The following MOCS1 variants were observed in gnomAD, a reference collection of about 807,000 sequenced individuals.
MOCS1 encodes the protein molybdenum cofactor synthesis 1.
MOCS1 carries 39 observed loss-of-function variants against 57.6 expected under a neutral mutation model. That is an observed-to-expected ratio of 0.68 (90% confidence interval 0.52 to 0.88). MOCS1 has a LOEUF of 0.88. Among genes scored for constraint, MOCS1 ranks in the 40% least tolerant of loss-of-function variants. MOCS1 has a pLI of 0.00. For synonymous variants in MOCS1, 334 were observed against 335.7 expected (o/e 1.00, Z 0.05); for missense variants, 795 against 831.1 (o/e 0.96, Z 0.53).
Position 39,927,332 on chromosome 6 carries a change from T to A in MOCS1, c.247A>T (p.Arg83Ter). The change falls in exon 2 of 11, where the codon AGA becomes TGA. Residue 83 changes from arginine to a stop codon, truncating the protein, a stop_gained. Coordinates refer to ENST00000340692, the MANE Select transcript of MOCS1 (RefSeq NM_001358530.2). LOFTEE classifies it high-confidence loss of function. ...RISLTEKCNL[R>*]CQYCMPEEGV... Reference sequence around the variant, plus strand: ...AGGGCCCAGGAAGGTGACTCACATCTGAGGTTGCACTTCTCTGTGAGGGAG... The same window carrying A: ...AGGGCCCAGGAAGGTGACTCACATCAGAGGTTGCACTTCTCTGTGAGGGAG... The A allele has an allele frequency of 6.2e-7, 1 of 1,610,776 alleles. No individual in the cohort carries two copies. The highest frequency in any genetic ancestry group is 8.5e-7 in the Non-Finnish European group (1 of 1,178,626).
At chr6:39,913,892 C>T (rs1767502976) in intron 4 of MOCS1, 57 bp from the exon 5 acceptor site, 2 of 1,545,542 alleles carry the variant, frequency 1.3e-6, no homozygotes, top group South Asian at 1.1e-5. Context: ...TTCCCCCACA[C>T]CCCCACAGAA....
chr6:39,925,930 C>G, intron 2 of MOCS1, 85 bp from the exon 3 acceptor site: 1 of 1,445,752 alleles, frequency 6.9e-7, no homozygotes, highest in Non-Finnish European at 9.4e-7. Context: ...AACTCTCCAT[C>G]AGGCCAAAGG....
Position 39,913,394 on chromosome 6 carries a change from T to C in MOCS1, c.680A>G (p.Asp227Gly). ...CAAGGCCGCAAAGTCCAGGAGTTCATCCTCGTTAAGGCCTCGCATCACCAC... is the reference window on the plus strand; with the variant it reads ...CAAGGCCGCAAAGTCCAGGAGTTCACCCTCGTTAAGGCCTCGCATCACCAC... ...NCVVMRGLNE[D>G]ELLDFAALTE... Residue 227 changes from aspartate (D) to glycine (G), a missense_variant, in exon 6 of 11, where the codon GAT becomes GGT. Asp to Gly is a moderately conservative substitution (Grantham distance 94, BLOSUM62 -1). Coordinates refer to ENST00000340692, the MANE Select transcript of MOCS1 (RefSeq NM_001358530.2). 1 of 1,614,242 alleles carries C rather than the reference T, an allele frequency of 6.2e-7. No homozygotes were observed. The highest frequency in any genetic ancestry group is 8.5e-7 in the Non-Finnish European group (1 of 1,180,028).
In MOCS1 at chr6:39,925,710, G is replaced by A. The variant is rs777815200; in HGVS notation, c.386C>T (p.Pro129Leu). 8.1e-6 allele frequency: 13 copies of A among 1,612,656 alleles called. No homozygotes were observed. The South Asian group carries it at 9.9e-5, about 12-fold the overall frequency. The change falls in exon 3 of 11, where the codon CCG (proline) becomes CTG (leucine). Residue 129 changes from proline (P) to leucine (L), a missense_variant. By Grantham distance (98) the Pro-to-Leu change is moderately conservative. Around this residue, in one of 3 missense-constraint regions of MOCS1, gnomAD observed 416 missense variants for 392.4 expected, o/e 1.06. Coordinates refer to ENST00000340692, the MANE Select transcript of MOCS1 (RefSeq NM_001358530.2). Reference sequence around the variant, plus strand: ...GTCCACCACGTCCGGCCGGATAAGCGGCTCTCCACCTGTGAGCCGGATCTT... The same window carrying A: ...GTCCACCACGTCCGGCCGGATAAGCAGCTCTCCACCTGTGAGCCGGATCTT... The part of the protein sequence containing the change: ...IDKIRLTGGE[P>L]LIRPDVVDIV...
intron 1 of MOCS1, among the ~76,000 whole-genome samples, chr6:39,930,398 C>T (rs938385610): frequency 1.6e-4 from 25 of 152,282 alleles, no homozygotes; most frequent in African/African-American, 4.3e-4. Flanking sequence ...GTTTCCTCTC[C>T]GTGAGAAGTC....
chr6:39,916,956 G>A (rs564950116), intron 3 of MOCS1, among the ~76,000 whole-genome samples: 1 of 152,312 alleles, frequency 6.6e-6, no homozygotes, highest in African/African-American at 2.4e-5. Context: ...CCTACTACAT[G>A]TCAGGGAGGT....
chr6:39,916,485 C>A (rs1767669491), intron 3 of MOCS1, among the ~76,000 whole-genome samples: 1 of 152,144 alleles, frequency 6.6e-6, no homozygotes. Context: ...CTCATTGAAG[C>A]CTCACAATAA....
chr6:39,914,414 C>A (rs908985406), intron 4 of MOCS1, among the ~76,000 whole-genome samples: 1 of 152,230 alleles, frequency 6.6e-6, no homozygotes, highest in Non-Finnish European at 1.5e-5. Context: ...CCTCAACAGT[C>A]CATCAATTAT....
In MOCS1 at chr6:39,913,765, C is replaced by A. The variant is rs73732319; in HGVS notation, c.645+9G>T. The A allele has an allele frequency of 6.2e-7, 1 of 1,613,938 alleles. No homozygotes were observed. The highest frequency in any genetic ancestry group is 1.1e-5 in the South Asian group (1 of 91,076). On this transcript the variant is annotated intron_variant, in intron 5 of 10. Transcript: ENST00000340692. ...AAGTCGGGAATCTACGGCAGGGGCACGGCCTCACCTTCACAGGGTTGTAGC... is the reference window on the plus strand; with the variant it reads ...AAGTCGGGAATCTACGGCAGGGGCAAGGCCTCACCTTCACAGGGTTGTAGC...
At chr6:39,926,157 T>C (rs776301891) in intron 2 of MOCS1, among the ~76,000 whole-genome samples, 5 of 152,176 alleles carry the variant, frequency 3.3e-5, no homozygotes, top group Non-Finnish European at 7.3e-5. Flanking sequence ...CTGGCCTGAC[T>C]TCCTGGGCTG....
At chr6:39,919,626 T>C (rs1310825582) in intron 3 of MOCS1, among the ~76,000 whole-genome samples, 1 of 152,074 alleles carries the variant, frequency 6.6e-6, no homozygotes, top group Non-Finnish European at 1.5e-5. Flanking sequence ...TACCAGATAA[T>C]TGACTGATGA....
Position 39,912,265 on chromosome 6 carries a change from T to G in MOCS1, c.980A>C (p.Lys327Thr), listed in dbSNP as rs774513593. ...CCCTGTGGAGGAGGGGATGCTCACC[T>G]TGAGGTTCCCATCAGCTGTGATTCG... is the stretch of plus-strand genomic sequence containing the variant. ...RLRITADGNL[K>T]VCLFGNSEVS... Residue 327 changes from lysine to threonine, a missense_variant and splice_region_variant, in exon 8 of 11, where the codon AAG (lysine) becomes ACG (threonine). Coordinates refer to ENST00000340692, the MANE Select transcript of MOCS1 (RefSeq NM_001358530.2). The G allele has an allele frequency of 6.2e-7, 1 of 1,609,868 alleles. No homozygotes were observed. Among genetic ancestry groups the G allele is most frequent in the Non-Finnish European group, 8.5e-7 (1 of 1,177,612 alleles).
At position 39,905,465 on chromosome 6, in the gene MOCS1, C is replaced by CA; in HGVS notation, c.*891_*892insT. 2.1e-6 allele frequency: 1 copy of CA among 471,100 alleles called. No homozygotes were observed. The highest frequency in any genetic ancestry group is 4.4e-6 in the Non-Finnish European group (1 of 227,050). 29.2% of individuals were successfully genotyped at this position (471,100 alleles called of 1,614,324 possible). ...TTGATTGATTGATAGGTGCAGCCTTCCCTGTGAAACTGCAGCAGCTCAGTG... is the reference window on the plus strand; with the variant it reads ...TTGATTGATTGATAGGTGCAGCCTTCACCTGTGAAACTGCAGCAGCTCAGTG... On this transcript the variant is annotated 3_prime_UTR_variant, in exon 11 of 11. Coordinates refer to ENST00000340692, the MANE Select transcript of MOCS1 (RefSeq NM_001358530.2).
At chr6:39,925,959 A>G in intron 2 of MOCS1, 114 bp from the exon 3 acceptor site, 4 of 1,176,154 alleles carry the variant, frequency 3.4e-6, no homozygotes, top group Non-Finnish European at 3.6e-6. Flanking sequence ...ACCCATCTGG[A>G]TGTGAGCGGA....
Position 39,909,936 on chromosome 6 carries a change from G to C in MOCS1, c.1001C>G (p.Ser334Cys). 1 of 1,613,644 alleles carries C rather than the reference G, an allele frequency of 6.2e-7. No homozygotes were observed. Among genetic ancestry groups the C allele is most frequent in the Non-Finnish European group, 8.5e-7 (1 of 1,180,006 alleles). The change falls in exon 9 of 11, where the codon TCT becomes TGT. Residue 334 changes from serine (S) to cysteine (C), a missense_variant. Transcript: ENST00000340692. ...CAGGTGATCCCGCAGGGATACCTCA[G>C]AGTTTCCAAAGAGGCAGACCTACAT... ...GNLKVCLFGN[S>C]EVSLRDHLRA...
At chr6:39,908,968 G>A (rs1486851357) in intron 10 of MOCS1, 87 bp downstream of exon 10, 4 of 1,081,208 alleles carry the variant, frequency 3.7e-6, no homozygotes, top group African/African-American at 3.1e-5. Flanking sequence ...TGAAATGCAG[G>A]AGCTGGGGGT....
rs374718863 is a variant in MOCS1 at position 39,926,442 on chromosome 6, C to T, written c.251-597G>A. Among the ~76,000 whole-genome samples, 207 of 136,784 alleles carry T rather than the reference C, an allele frequency of 1.5e-3. 1 individual carries two copies. Among genetic ancestry groups the T allele is most frequent in the Middle Eastern group, 0.014 (4 of 286 alleles). The allele number at this position is 136,784 out of a possible 152,430, so 89.7% of individuals were successfully genotyped here. A position where few individuals can be genotyped will look rare whatever the true frequency, so the allele number is the denominator to read the frequency against. On this transcript the variant is annotated intron_variant, in intron 2 of 10. Transcript: ENST00000340692. Reference sequence around the variant, plus strand: ...AGAATGGGGTAAATGAGGTGAGCAGCGGCAGGCTGTGGAAGGGCCACCATC... The same window carrying T: ...AGAATGGGGTAAATGAGGTGAGCAGTGGCAGGCTGTGGAAGGGCCACCATC...
At chr6:39,914,611 C>T (rs1767547780) in intron 4 of MOCS1, among the ~76,000 whole-genome samples, 12 of 152,206 alleles carry the variant, frequency 7.9e-5, no homozygotes, top group Admixed American at 5.9e-4. Context: ...CCAGCACCCC[C>T]AGCCTGCACA....
At position 39,916,210 on chromosome 6, in the gene MOCS1, C is replaced by A; in HGVS notation, c.441G>T (p.Gly147=). 6.2e-7 allele frequency: 1 copy of A among 1,613,816 alleles called. No individual in the cohort carries two copies. The change falls in exon 4 of 11, where the codon GGG becomes GGT. Residue 147 remains glycine, a synonymous_variant. Transcript: ENST00000340692. ...DIVAQLQRLE[G]LRTIGVTTNG... is the part of the protein sequence containing the mutation. ...TGGTGGTAACACCTATGGTTCTCAG[C>A]CCTTCCAGCCGCTGGAGCTGGGCTG...
Sources: gnomAD v4.1 joint callset for allele counts (sites outside exome capture counted in the v4.1 genomes callset) on GRCh38, gnomAD v4.1.1 for gene constraint, gnomAD v4.1.1 regional missense constraint, MANE v1.5 for transcripts, NCBI Gene and HGNC (gene_info 2026-07-23, HGNC 2026-07-21) for gene names.